The following USP6NL variants were observed in gnomAD, a reference collection of about 807,000 sequenced individuals.
USP6NL encodes USP6 N-terminal like, also known as USP6 N-terminal-like protein.
In USP6NL, 26 loss-of-function variants were observed where a neutral mutation model predicts 61.9. That is an observed-to-expected ratio of 0.42 (90% CI 0.31 to 0.58). The LOEUF is 0.58. USP6NL is among the 20% of genes least tolerant of loss of function. The pLI is 0.16. For missense variants in USP6NL, 1,114 were observed against 1,034.3 expected (o/e 1.08, Z -1.06); for synonymous variants, 432 against 390.1 (o/e 1.11, Z -1.27).
intron 2 of USP6NL, among the ~76,000 whole-genome samples, chr10:11,530,944 G>A (rs903422650): frequency 3.3e-5 from 5 of 152,154 alleles, no homozygotes; most frequent in Admixed American, 1.3e-4. Context: ...AGAACCAACC[G>A]TGTGCCCCAA....
intron 2 of USP6NL, among the ~76,000 whole-genome samples, chr10:11,576,066 C>A (rs1337651116): frequency 6.7e-6 from 1 of 150,324 alleles, no homozygotes; most frequent in Non-Finnish European, 1.5e-5. Context: ...GTAAATACTT[C>A]AACTCACTCT....
intron 2 of USP6NL, among the ~76,000 whole-genome samples, chr10:11,570,099 G>A (rs1178706828): frequency 6.6e-6 from 1 of 152,180 alleles, no homozygotes; most frequent in Non-Finnish European, 1.5e-5. Context: ...TCAACTGAGA[G>A]CATCAGTCAC....
intron 13 of USP6NL, among the ~76,000 whole-genome samples, chr10:11,483,857 C>A (rs10905962): frequency 0.22 from 33,985 of 151,918 alleles, 4,405 homozygotes; most frequent in East Asian, 0.59. Flanking sequence ...TGAACCACAA[C>A]AATTCTGAGT....
rs989542916 is a variant in USP6NL at position 11,611,211 on chromosome 10, C to G, written c.-84+232G>C. On this transcript the variant is annotated intron_variant, in intron 1 of 14. Coordinates refer to ENST00000609104, the MANE Select transcript of USP6NL (RefSeq NM_014688.5). The surrounding 1 kb of genome is among the most constrained non-coding windows in gnomAD (Gnocchi z 5.3). Reference sequence around the variant, plus strand: ...CGCGCGGCGCCCCCAGCCCGCCCATCGCCCCGCGGACCCCACGCTCCGGGC... The same window carrying G: ...CGCGCGGCGCCCCCAGCCCGCCCATGGCCCCGCGGACCCCACGCTCCGGGC... 12 of 151,880 alleles carry G rather than the reference C, an allele frequency of 7.9e-5. No individual in the cohort carries two copies. Among genetic ancestry groups the G allele is most frequent in the Middle Eastern group, 3.4e-3 (1 of 292 alleles). 9.4% of individuals were successfully genotyped at this position (151,880 alleles called of 1,614,324 possible).
intron 2 of USP6NL, among the ~76,000 whole-genome samples, chr10:11,544,939 C>T (rs1049614039): frequency 6.6e-6 from 1 of 152,144 alleles, no homozygotes; most frequent in Admixed American, 6.5e-5. Context: ...CCAAGATATA[C>T]TGTAAGCAAA....
chr10:11,526,458 ATGAATGAGAG>A, intron 3 of USP6NL, among the ~76,000 whole-genome samples: 1 of 152,338 alleles, frequency 6.6e-6, no homozygotes, highest in East Asian at 1.9e-4. Flanking sequence ...ACAAGCAGGA[ATGAATGAGAG>A]TGACACTGGT....
chr10:11,532,264 T>C lies in USP6NL; in HGVS notation c.5-4697A>G, dbSNP rs746685153. On this transcript the variant is annotated intron_variant, in intron 2 of 14. Transcript: ENST00000609104. The surrounding 1 kb of genome is among the most constrained non-coding windows in gnomAD (Gnocchi z 4.1). ...ACTTATCTATTCCAAGATTTCATTA[T>C]TATTTTATAGTTCTCGAACACACCA... 2 of 1,570,160 alleles carry C rather than the reference T, an allele frequency of 1.3e-6. No homozygotes were observed. The highest frequency in any genetic ancestry group is 8.6e-7 in the Non-Finnish European group (1 of 1,157,328).
chr10:11,541,666 T>C (rs1206922705), intron 2 of USP6NL, among the ~76,000 whole-genome samples: 4 of 152,148 alleles, frequency 2.6e-5, no homozygotes, highest in Admixed American at 1.3e-4. Flanking sequence ...TTTTTCACTG[T>C]GAGACAGAGC....
rs893074037 is a variant in USP6NL at position 11,591,460 on chromosome 10, A to G, written c.4+6171T>C. On this transcript the variant is annotated intron_variant, in intron 2 of 14. Transcript: ENST00000609104. This position sits in a 1 kb window ranked among gnomAD's most constrained non-coding sequence, Gnocchi z 4.7. ...ATATAATAGTAGGTATATAATTTGA[A>G]ATTTTAAGATTTAACTAGTAAAAAT... is the stretch of plus-strand genomic sequence containing the variant. 2.0e-5 allele frequency among the ~76,000 whole-genome samples: 3 copies of G among 152,168 alleles called. No individual in the cohort carries two copies. Among genetic ancestry groups the G allele is most frequent in the Non-Finnish European group, 4.4e-5 (3 of 68,038 alleles).
At chr10:11,577,632 C>G (rs1274754698) in intron 2 of USP6NL, among the ~76,000 whole-genome samples, 1 of 152,086 alleles carries the variant, frequency 6.6e-6, no homozygotes, top group East Asian at 1.9e-4. Flanking sequence ...TCCCGAGTAG[C>G]TGGGATTACA....
At chr10:11,493,798 C>T (rs912149203) in intron 7 of USP6NL, among the ~76,000 whole-genome samples, 1 of 148,764 alleles carries the variant, frequency 6.7e-6, no homozygotes, top group Non-Finnish European at 1.5e-5. Flanking sequence ...CCTGTGCGGC[C>T]GGACCTCTGG....
intron 14 of USP6NL, among the ~76,000 whole-genome samples, chr10:11,475,121 C>A (rs1832916892): frequency 6.6e-6 from 1 of 152,162 alleles, no homozygotes; most frequent in Non-Finnish European, 1.5e-5. Context: ...GACAAAAGTG[C>A]TGCCAAATGG....
rs897537609 is a variant in USP6NL, at chr10:11,481,712, T to C, written c.1078+58A>G. The C allele has an allele frequency of 5.9e-6, 9 of 1,516,656 alleles. No individual in the cohort carries two copies. The highest frequency in any genetic ancestry group is 2.8e-5 in the African/African-American group (2 of 71,808). The allele number at this position is 1,516,656 out of a possible 1,614,324, so 93.9% of individuals were successfully genotyped here. A position where few individuals can be genotyped will look rare whatever the true frequency, so the allele number is the denominator to read the frequency against. On this transcript the variant is annotated intron_variant, in intron 14 of 14. Coordinates refer to ENST00000609104, the MANE Select transcript of USP6NL (RefSeq NM_014688.5). The surrounding 1 kb of genome is among the most constrained non-coding windows in gnomAD (Gnocchi z 4.4). The stretch of plus-strand genomic sequence containing the variant: ...GGCAAGAAACAGCCCATGTTAATTA[T>C]GCCATGTCTTCCAATCTTAATTATA...
intron 14 of USP6NL, among the ~76,000 whole-genome samples, chr10:11,473,462 C>T (rs558952472): frequency 2.6e-4 from 39 of 152,296 alleles, no homozygotes; most frequent in Non-Finnish European, 4.1e-4. Flanking sequence ...GAGAAGGCTT[C>T]AGGCGATGCT....
In USP6NL at chr10:11,528,501, T is replaced by C. The variant is rs1367067624; in HGVS notation, c.5-934A>G. Among the ~76,000 whole-genome samples the C allele has an allele frequency of 6.6e-6, 1 of 152,120 alleles. No individual in the cohort carries two copies. The highest frequency in any genetic ancestry group is 2.4e-5 in the African/African-American group (1 of 41,406). ...TGCCTTACCACATGACACTCTAAGG[T>C]AGGCATCATTATGAATCCTACACCG... On this transcript the variant is annotated intron_variant, in intron 2 of 14. Coordinates refer to ENST00000609104, the MANE Select transcript of USP6NL (RefSeq NM_014688.5). This position sits in a 1 kb window ranked among gnomAD's most constrained non-coding sequence, Gnocchi z 4.6.
rs149568335 is a variant in USP6NL at position 11,589,048 on chromosome 10, G to A, written c.4+8583C>T. On this transcript the variant is annotated intron_variant, in intron 2 of 14. Transcript: ENST00000609104. The surrounding 1 kb of genome is among the most constrained non-coding windows in gnomAD (Gnocchi z 4.7). Reference sequence around the variant, plus strand: ...CTATTGCCCCCATGTATGGAAACCCGGATAAGATAATGGCAATGGAGAAGC... The same window carrying A: ...CTATTGCCCCCATGTATGGAAACCCAGATAAGATAATGGCAATGGAGAAGC... Among the ~76,000 whole-genome samples, 34 of 152,192 alleles carry A rather than the reference G, an allele frequency of 2.2e-4. No individual in the cohort carries two copies. The highest frequency in any genetic ancestry group is 8.2e-4 in the African/African-American group (34 of 41,506).
In USP6NL at chr10:11,518,590, A is replaced by C; in HGVS notation, c.156-16T>G. On this transcript the variant is annotated splice_polypyrimidine_tract_variant and intron_variant, in intron 4 of 14. Transcript: ENST00000609104. The surrounding 1 kb of genome is among the most constrained non-coding windows in gnomAD (Gnocchi z 5.3). ...CTCCTCCTCACTGCAGAGGAAAAAC[A>C]GTATTATATGAAATTGTTGAAATCA... is the stretch of plus-strand genomic sequence containing the variant. The C allele has an allele frequency of 6.2e-7, 1 of 1,606,758 alleles. No individual in the cohort carries two copies. Among genetic ancestry groups the C allele is most frequent in the East Asian group, 2.2e-5 (1 of 44,802 alleles).
At chr10:11,576,658 C>G (rs1433595563) in intron 2 of USP6NL, among the ~76,000 whole-genome samples, 1 of 152,192 alleles carries the variant, frequency 6.6e-6, no homozygotes, top group Non-Finnish European at 1.5e-5. Flanking sequence ...AAATAAACTT[C>G]TATTGTTTGT....
intron 1 of USP6NL, among the ~76,000 whole-genome samples, chr10:11,606,958 T>C (rs1282671013): frequency 6.6e-6 from 1 of 152,020 alleles, no homozygotes; most frequent in Non-Finnish European, 1.5e-5. Flanking sequence ...CCCCACTAAT[T>C]TTTGTATTTC....
Sources: allele counts gnomAD v4.1 joint callset (sites outside exome capture counted in the v4.1 genomes callset), GRCh38; gene constraint gnomAD v4.1.1; non-coding constraint Gnocchi (gnomAD v3.1); transcripts MANE v1.5; gene names NCBI Gene and HGNC (gene_info 2026-07-23, HGNC 2026-07-21).